LHFPL5: variants seen among roughly 807,000 people sequenced by gnomAD.
LHFPL5 encodes the protein LHFPL tetraspan subfamily member 5.
Under a neutral mutation model 18.7 loss-of-function variants are expected in LHFPL5, and 12 were observed. That is an observed-to-expected ratio of 0.64 (90% CI 0.41 to 1.04). The LOEUF is 1.04. Ranked by LOEUF, LHFPL5 falls within the 50% of genes least tolerant of loss-of-function variation. The pLI, the probability that LHFPL5 is intolerant of heterozygous loss-of-function variation, is 0.00. For synonymous variants in LHFPL5, 111 were observed against 120.2 expected (o/e 0.92, Z 0.50); for missense variants, 259 against 292.1 (o/e 0.89, Z 0.83).
Position 35,814,926 on chromosome 6 carries a change from C to A in LHFPL5, c.649+144C>A. Reference sequence around the variant, plus strand: ...CTAATCAGACACACCCCTTGTCCTCCCTGAAATCAAAGGCCAGTGGAGGGT... The same window carrying A: ...CTAATCAGACACACCCCTTGTCCTCACTGAAATCAAAGGCCAGTGGAGGGT... On this transcript the variant is annotated intron_variant, in intron 2 of 3. Transcript: ENST00000360215. This position sits in a 1 kb window ranked among gnomAD's most constrained non-coding sequence, Gnocchi z 4.2. 1 of 780,168 alleles carries A rather than the reference C, an allele frequency of 1.3e-6. No individual in the cohort carries two copies. The highest frequency in any genetic ancestry group is 2.5e-5 in the East Asian group (1 of 39,958). The allele number at this position is 780,168 out of a possible 1,614,324, so 48.3% of individuals were successfully genotyped here. A position where few individuals can be genotyped will look rare whatever the true frequency, so the allele number is the denominator to read the frequency against.
rs757442347 is a variant in LHFPL5, at chr6:35,805,680, T to C, written c.10T>C (p.Leu4=). 6.8e-6 allele frequency: 11 copies of C among 1,613,954 alleles called. No homozygotes were observed. The South Asian group carries it at 1.1e-4, about 16-fold the overall frequency. MVK[L]LPAQEAAKIY... The stretch of plus-strand genomic sequence containing the variant: ...GCCTGCTGCCCTCACCATGGTGAAA[T>C]TGCTGCCGGCCCAGGAGGCAGCCAA... Residue 4 remains leucine (L), a synonymous_variant, in exon 1 of 4, where the codon TTG becomes CTG. Transcript: ENST00000360215. The surrounding 1 kb of genome is among the most constrained non-coding windows in gnomAD (Gnocchi z 4.3).
rs112404014 is a variant in LHFPL5, at chr6:35,816,148, G to A, written c.649+1366G>A. Among the ~76,000 whole-genome samples the A allele has an allele frequency of 2.5e-4, 37 of 148,596 alleles. No individual in the cohort carries two copies. The East Asian group carries it at 3.8e-3, about 15-fold the overall frequency. ...ATTGCGCCACTGCAGTCCGCAGTCC[G>A]GCCTGGGTGACAGAGCGAGACTCCG... On this transcript the variant is annotated intron_variant, in intron 2 of 3. Coordinates refer to ENST00000360215, the MANE Select transcript of LHFPL5 (RefSeq NM_182548.4).
Position 35,805,696 on chromosome 6 carries a change from A to G in LHFPL5, c.26A>G (p.Glu9Gly), listed in dbSNP as rs780552079. The G allele has an allele frequency of 6.2e-7, 1 of 1,614,050 alleles. No individual in the cohort carries two copies. Among genetic ancestry groups the G allele is most frequent in the African/African-American group, 1.3e-5 (1 of 74,994 alleles). ...ATGGTGAAATTGCTGCCGGCCCAGG[A>G]GGCAGCCAAGATCTACCATACCAAC... Reference protein sequence around the residue: MVKLLPAQEAAKIYHTNYV... With the variant: MVKLLPAQGAAKIYHTNYV... The change falls in exon 1 of 4, where the codon GAG (glutamate) becomes GGG (glycine). Residue 9 changes from glutamate (E) to glycine (G), a missense_variant. Transcript: ENST00000360215. This position sits in a 1 kb window ranked among gnomAD's most constrained non-coding sequence, Gnocchi z 4.3.
At chr6:35,820,982 T>A (rs1246354023) in intron 3 of LHFPL5, among the ~76,000 whole-genome samples, 1 of 152,196 alleles carries the variant, frequency 6.6e-6, no homozygotes, top group Admixed American at 6.5e-5. Flanking sequence ...AACTTCAGCG[T>A]GCATACAGTC....
chr6:35,805,691 C>T lies in LHFPL5; in HGVS notation c.21C>T (p.Ala7=). The change falls in exon 1 of 4, where the codon GCC becomes GCT. Residue 7 remains alanine (A), a synonymous_variant. Coordinates refer to ENST00000360215, the MANE Select transcript of LHFPL5 (RefSeq NM_182548.4). The surrounding 1 kb of genome is among the most constrained non-coding windows in gnomAD (Gnocchi z 4.3). ...TCACCATGGTGAAATTGCTGCCGGC[C>T]CAGGAGGCAGCCAAGATCTACCATA... MVKLLP[A]QEAAKIYHTN... 1 of 1,614,078 alleles carries T rather than the reference C, an allele frequency of 6.2e-7. No individual in the cohort carries two copies.
chr6:35,821,367 C>T (rs1389565556), intron 3 of LHFPL5, among the ~76,000 whole-genome samples: 1 of 151,592 alleles, frequency 6.6e-6, no homozygotes, highest in African/African-American at 2.4e-5. Context: ...GCCGTAGACC[C>T]TGCATTTCTA....
chr6:35,823,476 C>CTCTCTCTT lies in LHFPL5; in HGVS notation c.*511_*512insTCTCTCTT, dbSNP rs1561958001. 1.7e-5 allele frequency: 2 copies of CTCTCTCTT among 117,106 alleles called. No homozygotes were observed. The highest frequency in any genetic ancestry group is 3.2e-5 in the African/African-American group (1 of 31,210). 7.3% of individuals were successfully genotyped at this position (117,106 alleles called of 1,614,324 possible). ...ACACACACACACACACACACACACA[C>CTCTCTCTT]ACTCTCTCTCTCTCTCAAACACACA... is the stretch of plus-strand genomic sequence containing the variant. On this transcript the variant is annotated 3_prime_UTR_variant, in exon 4 of 4. Transcript: ENST00000360215.
At chr6:35,812,192 T>C (rs1768674401) in intron 1 of LHFPL5, among the ~76,000 whole-genome samples, 2 of 152,212 alleles carry the variant, frequency 1.3e-5, no homozygotes, top group Non-Finnish European at 2.9e-5. Context: ...GGAAGCGTGA[T>C]ACATTTAGGT....
chr6:35,816,140 C>T (rs35951582), intron 2 of LHFPL5, among the ~76,000 whole-genome samples: 23,598 of 147,074 alleles, frequency 0.16, 2,332 homozygotes, highest in Middle Eastern at 0.23. Context: ...CACTGCAGTC[C>T]GCAGTCCGGC....
At chr6:35,815,451 C>A (rs1768742939) in intron 2 of LHFPL5, among the ~76,000 whole-genome samples, 1 of 152,162 alleles carries the variant, frequency 6.6e-6, no homozygotes, top group South Asian at 2.1e-4. Context: ...TTGGGCTCTT[C>A]CCCTGCCTGT....
rs183385533 is a variant in LHFPL5, at chr6:35,823,698, A to C, written c.*733A>C. The stretch of plus-strand genomic sequence containing the variant: ...TAACATCCACCAGGAAGTTTTATGA[A>C]GAGTGGGTGATAGGATCTAAAATCT... On this transcript the variant is annotated 3_prime_UTR_variant, in exon 4 of 4. Coordinates refer to ENST00000360215, the MANE Select transcript of LHFPL5 (RefSeq NM_182548.4). 5 of 150,650 alleles carry C rather than the reference A, an allele frequency of 3.3e-5. No homozygotes were observed. Among genetic ancestry groups the C allele is most frequent in the East Asian group, 1.9e-4 (1 of 5,180 alleles). 9.3% of individuals were successfully genotyped at this position (150,650 alleles called of 1,614,324 possible). A position where few individuals can be genotyped will look rare whatever the true frequency, so the allele number is the denominator to read the frequency against.
chr6:35,821,857 ATTTTTTT>A (rs763639486), intron 3 of LHFPL5, among the ~76,000 whole-genome samples: 19 of 39,158 alleles, frequency 4.9e-4, no homozygotes, highest in African/African-American at 7.1e-4. Context: ...GTGTACCACA[ATTTTTTT>A]TTTTTTTTTT....
chr6:35,812,025 C>T (rs1229022494), intron 1 of LHFPL5, among the ~76,000 whole-genome samples: 2 of 152,158 alleles, frequency 1.3e-5, no homozygotes, highest in Non-Finnish European at 2.9e-5. Flanking sequence ...TGGTAAGTCA[C>T]TTGGTTTCTT....
Position 35,806,232 on chromosome 6 carries a change from A to C in LHFPL5, c.412+150A>C, listed in dbSNP as rs1206477231. The C allele has an allele frequency of 7.1e-6, 6 of 849,972 alleles. No homozygotes were observed. The African/African-American group carries it at 8.5e-5, about 12-fold the overall frequency. The allele number at this position is 849,972 out of a possible 1,614,324, so 52.7% of individuals were successfully genotyped here. A position where few individuals can be genotyped will look rare whatever the true frequency, so the allele number is the denominator to read the frequency against. On this transcript the variant is annotated intron_variant, in intron 1 of 3. Transcript: ENST00000360215. Reference sequence around the variant, plus strand: ...ACTCAGTGCTCTGCAGAAGATTCTGAGGAGTTGAGAATCTTAAAATGGCAG... The same window carrying C: ...ACTCAGTGCTCTGCAGAAGATTCTGCGGAGTTGAGAATCTTAAAATGGCAG...
At chr6:35,821,481 G>GTGTGTGTGTA (rs145320690) in intron 3 of LHFPL5, among the ~76,000 whole-genome samples, 7,482 of 147,024 alleles carry the variant, frequency 0.051, 241 homozygotes, top group African/African-American at 0.087. Flanking sequence ...GTGTGTGTGT[G>GTGTGTGTGTA]TGTGTGTGTG....
rs144981322 is a variant in LHFPL5 at position 35,814,695 on chromosome 6, G to A, written c.562G>A (p.Asp188Asn). The A allele has an allele frequency of 1.5e-5, 25 of 1,614,052 alleles. No individual in the cohort carries two copies. Among genetic ancestry groups the A allele is most frequent in the African/African-American group, 4.0e-5 (3 of 74,910 alleles). Residue 188 changes from aspartate to asparagine, a missense_variant, in exon 2 of 4, where the codon GAC (aspartate) becomes AAC (asparagine). Asp to Asn is a conservative substitution (Grantham distance 23). Coordinates refer to ENST00000360215, the MANE Select transcript of LHFPL5 (RefSeq NM_182548.4). This position sits in a 1 kb window ranked among gnomAD's most constrained non-coding sequence, Gnocchi z 4.2. Reference sequence around the variant, plus strand: ...CATGCTGGCCATCCTCAGCATTGGCGACGCCCTCATCCTCTCCTTCCTGGC... The same window carrying A: ...CATGCTGGCCATCCTCAGCATTGGCAACGCCCTCATCCTCTCCTTCCTGGC... Reference protein sequence around the residue: ...AFMLAILSIGDALILSFLAFV... With the variant: ...AFMLAILSIGNALILSFLAFV...
Position 35,822,734 on chromosome 6 carries a change from G to A in LHFPL5, c.*17-248G>A, listed in dbSNP as rs149533197. On this transcript the variant is annotated intron_variant, in intron 3 of 3. Coordinates refer to ENST00000360215, the MANE Select transcript of LHFPL5 (RefSeq NM_182548.4). ...GATCTCCTGATCTCGTGATCCGCCC[G>A]CCTTGGCCTCCCAAAGTGTTGGGAT... is the stretch of plus-strand genomic sequence containing the variant. Among the ~76,000 whole-genome samples the A allele has an allele frequency of 1.5e-3, 227 of 150,862 alleles. 2 individuals carry two copies. Among genetic ancestry groups the A allele is most frequent in the African/African-American group, 5.3e-3 (216 of 41,046 alleles).
At chr6:35,806,215 C>A in intron 1 of LHFPL5, 133 bp downstream of exon 1, 1 of 939,422 alleles carries the variant, frequency 1.1e-6, no homozygotes, top group Non-Finnish European at 1.6e-6. Context: ...CTACTCAGTG[C>A]TCTGCAGAAG....
chr6:35,812,623 ATGGAG>A (rs1346099924), intron 1 of LHFPL5, among the ~76,000 whole-genome samples: 6 of 152,216 alleles, frequency 3.9e-5, no homozygotes, highest in African/African-American at 1.4e-4. Context: ...GTCAACTCTT[ATGGAG>A]TGCCAAGTCT....
Sources: allele counts gnomAD v4.1 joint callset (sites outside exome capture counted in the v4.1 genomes callset), GRCh38; gene constraint gnomAD v4.1.1; non-coding constraint Gnocchi (gnomAD v3.1); transcripts MANE v1.5; gene names NCBI Gene and HGNC (gene_info 2026-07-23, HGNC 2026-07-21).